CDH1: variants seen among roughly 807,000 people sequenced by gnomAD.
The protein encoded by CDH1 is cadherin 1.
A neutral mutation model predicts 84.5 loss-of-function variants in CDH1; 35 were observed. That is an observed-to-expected ratio of 0.41 (90% CI 0.32 to 0.55). CDH1 has a LOEUF of 0.55. Among genes scored for constraint, CDH1 ranks in the 20% least tolerant of loss-of-function variants. The pLI, the probability that CDH1 is intolerant of heterozygous loss-of-function variation, is 0.19. For synonymous variants in CDH1, 417 were observed against 439.0 expected, an observed-to-expected ratio of 0.95 and a Z score of 0.63; for missense variants, 994 against 1,126.6, an observed-to-expected ratio of 0.88 and a Z score of 1.68.
intron 5 of CDH1, among the ~76,000 whole-genome samples, chr16:68,809,882 A>G (rs957150473): frequency 7.9e-5 from 12 of 152,138 alleles, no homozygotes; most frequent in African/African-American, 2.7e-4. Context: ...GACTAAAAGG[A>G]CCAGAGCAAG....
chr16:68,766,117 G>C, intron 2 of CDH1, among the ~76,000 whole-genome samples: 1 of 152,000 alleles, frequency 6.6e-6, no homozygotes. Context: ...AAATTAGCCG[G>C]GTGTGGTGGT....
chr16:68,831,895 G>T (rs187362008), intron 15 of CDH1, among the ~76,000 whole-genome samples: 19 of 152,174 alleles, frequency 1.2e-4, no homozygotes, highest in Admixed American at 1.1e-3. Context: ...ATACTCATTT[G>T]CAAGTCATCA....
rs2152136907 is a variant in CDH1, at chr16:68,819,364, G to A, written c.1650G>A (p.Arg550=). 6.2e-7 allele frequency: 1 copy of A among 1,614,060 alleles called. No individual in the cohort carries two copies. The highest frequency in any genetic ancestry group is 1.1e-5 in the South Asian group (1 of 91,068). ...GAISTRAELD[R]EDFEHVKNST... ...TTTCCACTCGGGCTGAGCTGGACAG[G>A]GAGGATTTTGAGCACGTGAAGAACA... is the stretch of plus-strand genomic sequence containing the variant. Residue 550 remains arginine, a synonymous_variant, in exon 11 of 16, where the codon AGG becomes AGA. Transcript: ENST00000261769.
intron 2 of CDH1, among the ~76,000 whole-genome samples, chr16:68,738,878 C>T (rs1273266653): frequency 6.8e-6 from 1 of 146,688 alleles, no homozygotes; most frequent in Non-Finnish European, 1.5e-5. Context: ...TCTGGGATGA[C>T]TGAAGAGCAG....
intron 3 of CDH1, among the ~76,000 whole-genome samples, chr16:68,804,458 A>G (rs184410223): frequency 3.3e-5 from 5 of 152,030 alleles, no homozygotes; most frequent in Admixed American, 6.6e-5. Flanking sequence ...CACAAGCAAC[A>G]CTTGAGAAAC....
At chr16:68,802,257 C>A (rs1172293951) in intron 3 of CDH1, among the ~76,000 whole-genome samples, 1 of 152,174 alleles carries the variant, frequency 6.6e-6, no homozygotes, top group African/African-American at 2.4e-5. Context: ...GGGACTGAAT[C>A]TCAGCCGTGC....
intron 2 of CDH1, among the ~76,000 whole-genome samples, chr16:68,792,405 T>G (rs1960232609): frequency 6.6e-6 from 1 of 151,980 alleles, no homozygotes; most frequent in Non-Finnish European, 1.5e-5. Flanking sequence ...AATTTTTGTA[T>G]TTTTGGTAGA....
intron 2 of CDH1, among the ~76,000 whole-genome samples, chr16:68,754,162 C>A (rs1962962052): frequency 6.6e-6 from 1 of 151,152 alleles, no homozygotes; most frequent in Non-Finnish European, 1.5e-5. Flanking sequence ...GTGGCTCATG[C>A]CTGTAATCCC....
chr16:68,806,507 C>T (rs1173863431), intron 3 of CDH1, among the ~76,000 whole-genome samples: 1 of 152,090 alleles, frequency 6.6e-6, no homozygotes, highest in Non-Finnish European at 1.5e-5. Context: ...GGTCAAATCT[C>T]AATAAAACCA....
chr16:68,801,532 G>C (rs1158108620), intron 2 of CDH1, 138 bp from the exon 3 acceptor site: 1 of 764,568 alleles, frequency 1.3e-6, no homozygotes, highest in Non-Finnish European at 2.4e-6. Context: ...TAGCTTTGTT[G>C]TTCTGTCACC....
chr16:68,828,974 G>A (rs1056186852), intron 14 of CDH1, among the ~76,000 whole-genome samples: 2 of 152,152 alleles, frequency 1.3e-5, no homozygotes, highest in Non-Finnish European at 2.9e-5. Context: ...AGATTTCAGG[G>A]ACTTGTAAGT....
rs1961582521 is a variant in CDH1, at chr16:68,834,353, C to A, written c.*854C>A. The A allele has an allele frequency of 1.5e-5, 7 of 480,206 alleles. No individual in the cohort carries two copies. In the Admixed American group the frequency reaches 1.7e-4, roughly 12 times the overall value. The allele number at this position is 480,206 out of a possible 1,614,324, so 29.7% of individuals were successfully genotyped here. A position where few individuals can be genotyped will look rare whatever the true frequency, so the allele number is the denominator to read the frequency against. ...TCATAGCTCACTGTAACCTCAAACT[C>A]TGGGGCTCAAGCAGTTCTCCCACCA... On this transcript the variant is annotated 3_prime_UTR_variant, in exon 16 of 16. Transcript: ENST00000261769.
rs587781859 is a variant in CDH1, at chr16:68,828,210, G to C, written c.2201G>C (p.Arg734Thr). The C allele has an allele frequency of 3.1e-6, 5 of 1,613,914 alleles. No individual in the cohort carries two copies. The highest frequency in any genetic ancestry group is 1.1e-5 in the South Asian group (1 of 91,074). ...CTGCTCTTGCTGTTTCTTCGGAGGAGAGCGGTGGTCAAAGAGCCCTTACTG... is the reference window on the plus strand; with the variant it reads ...CTGCTCTTGCTGTTTCTTCGGAGGACAGCGGTGGTCAAAGAGCCCTTACTG... ...ILLLLLFLRR[R>T]AVVKEPLLPP... The change falls in exon 14 of 16, where the codon AGA becomes ACA. Residue 734 changes from arginine (R) to threonine (T), a missense_variant. By Grantham distance (71) the Arg-to-Thr change is moderately conservative (BLOSUM62 -1). Coordinates refer to ENST00000261769, the MANE Select transcript of CDH1 (RefSeq NM_004360.5).
rs778959722 is a variant in CDH1 at position 68,811,730 on chromosome 16, G to A, written c.879G>A (p.Val293=). 9.3e-6 allele frequency: 15 copies of A among 1,613,932 alleles called. No homozygotes were observed. The highest frequency in any genetic ancestry group is 3.3e-4 in the Middle Eastern group (2 of 6,084). ...CAGCCACAGACGCGGACGATGATGTGAACACCTACAATGCCGCCATCGCTT... is the reference window on the plus strand; with the variant it reads ...CAGCCACAGACGCGGACGATGATGTAAACACCTACAATGCCGCCATCGCTT... ...EVTATDADDD[V]NTYNAAIAYT... is the part of the protein sequence containing the mutation. Residue 293 remains valine (V), a synonymous_variant, in exon 7 of 16, where the codon GTG becomes GTA. Transcript: ENST00000261769.
At chr16:68,758,854 G>A (rs1963087688) in intron 2 of CDH1, among the ~76,000 whole-genome samples, 1 of 150,788 alleles carries the variant, frequency 6.6e-6, no homozygotes, top group South Asian at 2.1e-4. Flanking sequence ...TGCCCAGACT[G>A]GTGCCATCTC....
At chr16:68,748,111 C>CTT (rs35209843) in intron 2 of CDH1, among the ~76,000 whole-genome samples, 3,332 of 113,114 alleles carry the variant, frequency 0.029, 233 homozygotes, top group African/African-American at 0.1. Flanking sequence ...AAATTATTTA[C>CTT]TTTTTTTTTT....
At chr16:68,800,681 C>A (rs915256922) in intron 2 of CDH1, among the ~76,000 whole-genome samples, 1 of 152,210 alleles carries the variant, frequency 6.6e-6, no homozygotes, top group Non-Finnish European at 1.5e-5. Flanking sequence ...CTGCTCCCCT[C>A]TGCCTGGAAG....
chr16:68,830,974 C>T (rs966751009), intron 15 of CDH1, among the ~76,000 whole-genome samples: 14 of 150,914 alleles, frequency 9.3e-5, no homozygotes, highest in African/African-American at 3.4e-4. Flanking sequence ...TCTCTAGTAA[C>T]TTGCTTGGTT....
chr16:68,783,864 A>T (rs1959958718), intron 2 of CDH1, among the ~76,000 whole-genome samples: 1 of 151,982 alleles, frequency 6.6e-6, no homozygotes, highest in South Asian at 2.1e-4. Context: ...TTTAGTAGAG[A>T]TGGAGTTTCA....
Sources: allele counts gnomAD v4.1 joint callset (sites outside exome capture counted in the v4.1 genomes callset), GRCh38; gene constraint gnomAD v4.1.1; transcripts MANE v1.5; gene names NCBI Gene and HGNC (gene_info 2026-07-23, HGNC 2026-07-21).